CCDC85C: variants seen among roughly 807,000 people sequenced by gnomAD.
CCDC85C encodes coiled-coil domain-containing protein 85C.
CCDC85C carries 18 observed loss-of-function variants against 38.3 expected under a neutral mutation model. The ratio of observed to expected loss-of-function variants is 0.47; its 90% CI spans 0.33 to 0.70. The LOEUF (loss-of-function observed/expected upper bound fraction) is 0.70, where lower values mean the gene tolerates loss of function less well. Ranked by LOEUF, CCDC85C falls within the 30% of genes least tolerant of loss-of-function variation. The probability of loss-of-function intolerance (pLI) is 0.03; values close to 1 mark genes in which losing one functional copy is unlikely to be tolerated. For missense variants in CCDC85C, 566 were observed against 621.2 expected (o/e 0.91, Z 0.94); for synonymous variants, 264 against 293.8 (o/e 0.90, Z 1.04).
chr14:99,513,380 T>A lies in CCDC85C; in HGVS notation c.*1866A>T, dbSNP rs1897169437. 1 of 152,120 alleles carries A rather than the reference T, an allele frequency of 6.6e-6. No homozygotes were observed. 9.4% of individuals were successfully genotyped at this position (152,120 alleles called of 1,614,324 possible). A position where few individuals can be genotyped will look rare whatever the true frequency, so the allele number is the denominator to read the frequency against. ...CACTGGGTACCATGAGCAGCAGGTG[T>A]TCACCCAACTTCACGTGTACACCCC... On this transcript the variant is annotated 3_prime_UTR_variant, in exon 6 of 6. Transcript: ENST00000380243.
chr14:99,582,452 C>T (rs1396057576), intron 1 of CCDC85C, among the ~76,000 whole-genome samples: 1 of 152,072 alleles, frequency 6.6e-6, no homozygotes, highest in Non-Finnish European at 1.5e-5. Context: ...TGTCTATGGT[C>T]ATACCACCGT....
chr14:99,552,115 G>A (rs1435694525), intron 1 of CCDC85C, among the ~76,000 whole-genome samples: 3 of 152,316 alleles, frequency 2.0e-5, no homozygotes, highest in East Asian at 3.9e-4. Context: ...GGAGGCTCAG[G>A]AAGGAGTGGA....
intron 2 of CCDC85C, among the ~76,000 whole-genome samples, chr14:99,523,789 C>A (rs914653028): frequency 6.6e-6 from 1 of 152,132 alleles, no homozygotes; most frequent in East Asian, 1.9e-4. Context: ...GGTCTCAGCA[C>A]GGGGGCCTTG....
rs1346677417 is a variant in CCDC85C at position 99,510,443 on chromosome 14, T to A, written c.*4803A>T. 2.0e-6 allele frequency: 3 copies of A among 1,521,474 alleles called. No individual in the cohort carries two copies. Among genetic ancestry groups the A allele is most frequent in the Non-Finnish European group, 2.6e-6 (3 of 1,135,686 alleles). 94.2% of individuals were successfully genotyped at this position (1,521,474 alleles called of 1,614,324 possible). ...CCCTGCCCCCCGCCTACGGCCCACC[T>A]GCACACCTGCCCTACCACCCCCATG... On this transcript the variant is annotated 3_prime_UTR_variant, in exon 6 of 6. Transcript: ENST00000380243.
chr14:99,584,277 C>T (rs1233542945), intron 1 of CCDC85C, among the ~76,000 whole-genome samples: 1 of 152,112 alleles, frequency 6.6e-6, no homozygotes, highest in African/African-American at 2.4e-5. Context: ...CCAAGTGTTT[C>T]CACAATGAGC....
At chr14:99,518,764 G>A (rs116587925) in intron 3 of CCDC85C, among the ~76,000 whole-genome samples, 1,773 of 152,316 alleles carry the variant, frequency 0.012, 32 homozygotes, top group African/African-American at 0.041. Flanking sequence ...CGGCTCTAGG[G>A]GGCTGGGATT....
At chr14:99,561,180 C>T (rs1045036563) in intron 1 of CCDC85C, among the ~76,000 whole-genome samples, 5 of 152,206 alleles carry the variant, frequency 3.3e-5, no homozygotes, top group Non-Finnish European at 7.3e-5. Flanking sequence ...ATGGCCGTAG[C>T]GGCCCTGGCT....
chr14:99,599,960 G>A (rs1289214114), intron 1 of CCDC85C, among the ~76,000 whole-genome samples: 3 of 152,234 alleles, frequency 2.0e-5, no homozygotes, highest in Non-Finnish European at 4.4e-5. Flanking sequence ...CACCAGGCCA[G>A]CCTCAGCCAG....
chr14:99,535,992 AGC>A lies in CCDC85C; in HGVS notation c.867+21_867+22del. On this transcript the variant is annotated intron_variant, in intron 2 of 5. Coordinates refer to ENST00000380243, the MANE Select transcript of CCDC85C (RefSeq NM_001144995.2). This position sits in a 1 kb window ranked among gnomAD's most constrained non-coding sequence, Gnocchi z 5.5. ...GGTGCTGGGTCGCGGTCCTCAAGGC[AGC>A]GCCACCCGAAGCCGGCCTACCTGTG... The A allele has an allele frequency of 6.5e-7, 1 of 1,546,412 alleles. No homozygotes were observed.
chr14:99,581,758 G>A (rs956578200), intron 1 of CCDC85C, among the ~76,000 whole-genome samples: 9 of 152,216 alleles, frequency 5.9e-5, no homozygotes, highest in Non-Finnish European at 8.8e-5. Flanking sequence ...GGGGGCTGAC[G>A]ACCCTTTGTA....
intron 2 of CCDC85C, among the ~76,000 whole-genome samples, chr14:99,526,823 G>A (rs1417458795): frequency 6.6e-6 from 1 of 152,190 alleles, no homozygotes; most frequent in Non-Finnish European, 1.5e-5. Context: ...GCTGGGCTGG[G>A]GGACCCACCT....
chr14:99,554,782 C>G (rs916829078), intron 1 of CCDC85C, among the ~76,000 whole-genome samples: 1 of 152,246 alleles, frequency 6.6e-6, no homozygotes, highest in African/African-American at 2.4e-5. Context: ...GCACAGGGCA[C>G]CCACAGTGAG....
At chr14:99,531,380 G>A (rs1274053077) in intron 2 of CCDC85C, among the ~76,000 whole-genome samples, 1 of 152,108 alleles carries the variant, frequency 6.6e-6, no homozygotes, top group East Asian at 1.9e-4. Context: ...AGCCCAGCCC[G>A]GCTGGGCACA....
At chr14:99,525,205 G>T (rs1255770447) in intron 2 of CCDC85C, among the ~76,000 whole-genome samples, 6 of 152,186 alleles carry the variant, frequency 3.9e-5, no homozygotes, top group African/African-American at 1.2e-4. Context: ...GCCCAGCGAG[G>T]ACTCGCTGGG....
At chr14:99,527,224 T>C (rs1897402674) in intron 2 of CCDC85C, among the ~76,000 whole-genome samples, 1 of 152,148 alleles carries the variant, frequency 6.6e-6, no homozygotes, top group Non-Finnish European at 1.5e-5. Flanking sequence ...GTAATGACGT[T>C]GTTGGTTTAT....
At position 99,572,719 on chromosome 14, in the gene CCDC85C, C is replaced by G. The variant is rs1206256745; in HGVS notation, c.793+30448G>C. On this transcript the variant is annotated intron_variant, in intron 1 of 5. Transcript: ENST00000380243. This position sits in a 1 kb window ranked among gnomAD's most constrained non-coding sequence, Gnocchi z 4.4. ...TGTTTTCTGCTCTTCCTAGCACTCA[C>G]CAGGATATGAAACTGTCCCATCCAT... The G allele has an allele frequency of 2.2e-6, 1 of 455,998 alleles. No individual in the cohort carries two copies. Among genetic ancestry groups the G allele is most frequent in the Non-Finnish European group, 4.4e-6 (1 of 226,834 alleles). 28.2% of individuals were successfully genotyped at this position (455,998 alleles called of 1,614,324 possible).
chr14:99,533,392 T>C lies in CCDC85C; in HGVS notation c.867+2623A>G, dbSNP rs1897530768. 6.6e-6 allele frequency among the ~76,000 whole-genome samples: 1 copy of C among 152,254 alleles called. No individual in the cohort carries two copies. Among genetic ancestry groups the C allele is most frequent in the East Asian group, 1.9e-4 (1 of 5,200 alleles). On this transcript the variant is annotated intron_variant, in intron 2 of 5. Transcript: ENST00000380243. This position sits in a 1 kb window ranked among gnomAD's most constrained non-coding sequence, Gnocchi z 4.2. Reference sequence around the variant, plus strand: ...TCCTTCAGCGACCACTCCAGCAGCATGGCTTGACTGGGCATCATTTGGTGA... The same window carrying C: ...TCCTTCAGCGACCACTCCAGCAGCACGGCTTGACTGGGCATCATTTGGTGA...
chr14:99,514,764 TG>T lies in CCDC85C; in HGVS notation c.*481del. 6.4e-6 allele frequency: 1 copy of T among 156,690 alleles called. No individual in the cohort carries two copies. Among genetic ancestry groups the T allele is most frequent in the Non-Finnish European group, 1.4e-5 (1 of 70,334 alleles). 9.7% of individuals were successfully genotyped at this position (156,690 alleles called of 1,614,324 possible). On this transcript the variant is annotated 3_prime_UTR_variant, in exon 6 of 6. Transcript: ENST00000380243. ...CCGGGGACCCAGTGCTTGGGGGGCC[TG>T]GGGCCAGGCCACGGCATTTGGGCAA...
Position 99,510,350 on chromosome 14 carries a change from C to T in CCDC85C, c.*4896G>A, listed in dbSNP as rs1422541803. The stretch of plus-strand genomic sequence containing the variant: ...TGACCGGGATGTCCACCACCAGCTC[C>T]TACATGTCTGGAGAGGGCTACCAGA... On this transcript the variant is annotated 3_prime_UTR_variant, in exon 6 of 6. Transcript: ENST00000380243. 1 of 1,591,562 alleles carries T rather than the reference C, an allele frequency of 6.3e-7. No homozygotes were observed. Among genetic ancestry groups the T allele is most frequent in the East Asian group, 2.3e-5 (1 of 43,992 alleles).
Sources: allele counts gnomAD v4.1 joint callset (sites outside exome capture counted in the v4.1 genomes callset), GRCh38; gene constraint gnomAD v4.1.1; non-coding constraint Gnocchi (gnomAD v3.1); transcripts MANE v1.5; gene names NCBI Gene and HGNC (gene_info 2026-07-23, HGNC 2026-07-21).